Variants in PRTFDC1 observed in about 807,000 individuals in gnomAD.
The protein encoded by PRTFDC1 is phosphoribosyl transferase domain containing 1, also known as phosphoribosyltransferase domain-containing protein 1.
In PRTFDC1, 38 loss-of-function variants were observed where a neutral mutation model predicts 34.6. That is an observed-to-expected ratio of 1.10 (90% CI 0.85 to 1.44). The LOEUF is 1.44. PRTFDC1 is among the 40% of genes most tolerant of loss of function. PRTFDC1 has a pLI of 0.00. For missense variants in PRTFDC1, 270 were observed against 283.0 expected, an observed-to-expected ratio of 0.95 and a Z score of 0.33; for synonymous variants, 93 against 98.1, an observed-to-expected ratio of 0.95 and a Z score of 0.31.
Position 24,927,423 on chromosome 10 carries a change from G to A in PRTFDC1, c.339+9761C>T, listed in dbSNP as rs148879679. 1.1e-3 allele frequency among the ~76,000 whole-genome samples: 165 copies of A among 152,194 alleles called. 2 individuals carry two copies. The highest frequency in any genetic ancestry group is 3.8e-3 in the African/African-American group (157 of 41,540). ...ATTCAAACCACCCAGGCCTATTCCT[G>A]ATGTACTCTTTAGTTAATAACTCTC... On this transcript the variant is annotated intron_variant, in intron 3 of 8. Transcript: ENST00000320152.
chr10:24,886,343 C>G (rs374998428), intron 3 of PRTFDC1, among the ~76,000 whole-genome samples: 7 of 152,124 alleles, frequency 4.6e-5, no homozygotes, highest in African/African-American at 1.7e-4. Flanking sequence ...TGTTATCACC[C>G]CAATTTAAGT....
At chr10:24,876,260 C>T (rs946995052) in intron 3 of PRTFDC1, among the ~76,000 whole-genome samples, 2 of 151,910 alleles carry the variant, frequency 1.3e-5, no homozygotes, top group African/African-American at 4.8e-5. Context: ...CCAAAACTGT[C>T]TTGGTTACTT....
chr10:24,849,660 TC>T lies in PRTFDC1; in HGVS notation c.*183del. On this transcript the variant is annotated 3_prime_UTR_variant, in exon 9 of 9. Transcript: ENST00000320152. ...GTCAAATAAAAGCACTGCTTTCTTT[TC>T]CTTAGGAACCTTTGATACTCTTTAT... The T allele has an allele frequency of 1.8e-6, 1 of 554,322 alleles. No individual in the cohort carries two copies. Among genetic ancestry groups the T allele is most frequent in the Non-Finnish European group, 3.2e-6 (1 of 311,838 alleles). The allele number at this position is 554,322 out of a possible 1,614,324, so 34.3% of individuals were successfully genotyped here.
At chr10:24,858,134 T>A (rs993137324) in intron 5 of PRTFDC1, among the ~76,000 whole-genome samples, 2 of 152,186 alleles carry the variant, frequency 1.3e-5, no homozygotes, top group Non-Finnish European at 2.9e-5. Context: ...CACAAAGAAG[T>A]ATAAGAATCA....
chr10:24,918,780 G>C (rs553098653), intron 3 of PRTFDC1, among the ~76,000 whole-genome samples: 3 of 152,236 alleles, frequency 2.0e-5, no homozygotes, highest in Non-Finnish European at 4.4e-5. Context: ...ATCTGTCAGG[G>C]ACCTTACAGA....
intron 4 of PRTFDC1, among the ~76,000 whole-genome samples, chr10:24,868,729 T>G (rs1334823273): frequency 6.6e-6 from 1 of 152,170 alleles, no homozygotes; most frequent in East Asian, 1.9e-4. Flanking sequence ...TTATTGCAGT[T>G]TCAGACTTTC....
At chr10:24,934,114 C>T (rs1849010613) in intron 3 of PRTFDC1, among the ~76,000 whole-genome samples, 1 of 152,066 alleles carries the variant, frequency 6.6e-6, no homozygotes, top group Middle Eastern at 3.2e-3. Context: ...AGCTGCTTTA[C>T]TTCTAATTGC....
At chr10:24,924,701 C>A (rs1334948280) in intron 3 of PRTFDC1, among the ~76,000 whole-genome samples, 2 of 151,928 alleles carry the variant, frequency 1.3e-5, no homozygotes. Context: ...ATGCAGCCAA[C>A]AGACACATGA....
At chr10:24,854,305 T>C (rs550467000) in intron 7 of PRTFDC1, among the ~76,000 whole-genome samples, 6 of 152,306 alleles carry the variant, frequency 3.9e-5, no homozygotes, top group African/African-American at 1.4e-4. Context: ...ATACCTTTGA[T>C]AATAGTAATA....
chr10:24,929,040 C>CAAAAAAAAAAAAAAAA (rs536613455), intron 3 of PRTFDC1, among the ~76,000 whole-genome samples: 1 of 73,592 alleles, frequency 1.4e-5, no homozygotes, highest in African/African-American at 6.7e-5. Flanking sequence ...GACTCCGTCT[C>CAAAAAAAAAAAAAAAA]AAAAAAAAAA....
chr10:24,852,258 T>G (rs1031912809), intron 7 of PRTFDC1, among the ~76,000 whole-genome samples: 3 of 152,178 alleles, frequency 2.0e-5, no homozygotes, highest in East Asian at 3.9e-4. Flanking sequence ...GTTCAAGCCA[T>G]TCTCCTGCCT....
intron 3 of PRTFDC1, among the ~76,000 whole-genome samples, chr10:24,914,930 T>TTACTCATAAAAAAATC (rs1161458520): frequency 6.6e-6 from 1 of 152,152 alleles, no homozygotes; most frequent in Non-Finnish European, 1.5e-5. Context: ...CATCCAATTA[T>TTACTCATAAAAAAATC]TACTCATAAA....
At chr10:24,894,744 C>A (rs1189257524) in intron 3 of PRTFDC1, among the ~76,000 whole-genome samples, 1 of 152,202 alleles carries the variant, frequency 6.6e-6, no homozygotes, top group Non-Finnish European at 1.5e-5. Flanking sequence ...TGGGAGACAG[C>A]ATAGGATAGT....
intron 3 of PRTFDC1, among the ~76,000 whole-genome samples, chr10:24,920,153 T>C (rs1848763103): frequency 6.6e-6 from 1 of 152,086 alleles, no homozygotes; most frequent in Non-Finnish European, 1.5e-5. Flanking sequence ...AATAAATCAT[T>C]CTATTATAAA....
rs545768957 is a variant in PRTFDC1 at position 24,912,745 on chromosome 10, C to T, written c.339+24439G>A. 2.6e-3 allele frequency among the ~76,000 whole-genome samples: 395 copies of T among 152,254 alleles called. 1 individual carries two copies. The highest frequency in any genetic ancestry group is 8.2e-3 in the African/African-American group (342 of 41,540). On this transcript the variant is annotated intron_variant, in intron 3 of 8. Transcript: ENST00000320152. Reference sequence around the variant, plus strand: ...TCTCTTTTACCTCATATCCAATCCTCGTGGCTGTAGCTTAAAATGTATCCA... The same window carrying T: ...TCTCTTTTACCTCATATCCAATCCTTGTGGCTGTAGCTTAAAATGTATCCA...
chr10:24,930,909 G>T (rs1409307), intron 3 of PRTFDC1, among the ~76,000 whole-genome samples: 1 of 151,928 alleles, frequency 6.6e-6, no homozygotes, highest in Non-Finnish European at 1.5e-5. Context: ...AGAGAAATAC[G>T]CAAGGAAAAG....
intron 3 of PRTFDC1, among the ~76,000 whole-genome samples, chr10:24,905,094 C>G (rs191897499): frequency 1.3e-5 from 2 of 151,060 alleles, no homozygotes; most frequent in African/African-American, 4.9e-5. Flanking sequence ...ATCACTTGAG[C>G]GCAGGAGTTT....
intron 7 of PRTFDC1, among the ~76,000 whole-genome samples, chr10:24,852,310 G>A (rs576092110): frequency 6.6e-6 from 1 of 152,058 alleles, no homozygotes; most frequent in South Asian, 2.1e-4. Context: ...GTGCCACCAT[G>A]CCAGGCTAAT....
At chr10:24,890,041 G>A (rs1224497663) in intron 3 of PRTFDC1, among the ~76,000 whole-genome samples, 1 of 152,138 alleles carries the variant, frequency 6.6e-6, no homozygotes, top group Non-Finnish European at 1.5e-5. Context: ...AATGTGCTGA[G>A]GAATAAATGT....
Sources: allele counts gnomAD v4.1 joint callset (sites outside exome capture counted in the v4.1 genomes callset), GRCh38; gene constraint gnomAD v4.1.1; transcripts MANE v1.5; gene names NCBI Gene and HGNC (gene_info 2026-07-23, HGNC 2026-07-21).